The following DLG2 variants were observed in gnomAD, a reference collection of about 807,000 sequenced individuals.
DLG2 encodes disks large homolog 2.
DLG2 carries 45 observed loss-of-function variants against 132.5 expected under a neutral mutation model. The ratio of observed to expected loss-of-function variants is 0.34; its 90% confidence interval spans 0.27 to 0.44. The LOEUF (loss-of-function observed/expected upper bound fraction) is 0.44, where lower values mean the gene tolerates loss of function less well. Among genes scored for constraint, DLG2 ranks in the 20% least tolerant of loss-of-function variants. DLG2 has a pLI of 1.00. For missense variants in DLG2, 1,045 were observed against 1,196.9 expected (o/e 0.87, Z 1.87); for synonymous variants, 424 against 419.6 (o/e 1.01, Z -0.13).
Position 84,308,071 on chromosome 11 carries a change from T to G in DLG2, c.520-56780A>C, listed in dbSNP as rs142235196. ...GAACAAAGCCCCCACAACGCAGAAG[T>G]AGACCCCAGCAGGTTGCCACTGCTG... On this transcript the variant is annotated intron_variant, in intron 7 of 27. Coordinates refer to ENST00000376104, the MANE Select transcript of DLG2 (RefSeq NM_001142699.3). Among the ~76,000 whole-genome samples the G allele has an allele frequency of 2.8e-3, 429 of 152,252 alleles. 3 individuals carry two copies. Among genetic ancestry groups the G allele is most frequent in the African/African-American group, 9.6e-3 (400 of 41,558 alleles).
At chr11:83,865,895 T>C (rs2062252957) in intron 16 of DLG2, among the ~76,000 whole-genome samples, 1 of 152,186 alleles carries the variant, frequency 6.6e-6, no homozygotes, top group Non-Finnish European at 1.5e-5. Context: ...TGTTCTCATC[T>C]GTGCTCTGCT....
intron 6 of DLG2, among the ~76,000 whole-genome samples, chr11:84,948,343 T>TAG (rs1323065837): frequency 1.3e-5 from 2 of 152,240 alleles, no homozygotes; most frequent in Non-Finnish European, 2.9e-5. Flanking sequence ...AGCAATTTGC[T>TAG]GTCTGTCTGC....
At chr11:83,517,019 A>G (rs569777304) in intron 21 of DLG2, among the ~76,000 whole-genome samples, 45 of 152,194 alleles carry the variant, frequency 3.0e-4, no homozygotes, top group Admixed American at 1.1e-3. Flanking sequence ...TGCTCTTCTC[A>G]AGGAGTATCT....
chr11:85,063,157 C>T (rs2064361671), intron 6 of DLG2, among the ~76,000 whole-genome samples: 1 of 151,798 alleles, frequency 6.6e-6, no homozygotes, highest in African/African-American at 2.4e-5. Context: ...GCCGCTAAGG[C>T]TTACCATCTC....
At chr11:85,495,574 CAAT>C (rs1192399458) in intron 3 of DLG2, among the ~76,000 whole-genome samples, 2 of 152,126 alleles carry the variant, frequency 1.3e-5, no homozygotes, top group Admixed American at 1.3e-4. Context: ...ATCAAAACCA[CAAT>C]GAGATACCAT....
intron 3 of DLG2, among the ~76,000 whole-genome samples, chr11:85,385,437 C>G (rs1159027245): frequency 6.6e-6 from 1 of 151,894 alleles, no homozygotes; most frequent in Middle Eastern, 3.2e-3. Context: ...TTATAAAACT[C>G]TTTATAAGGA....
intron 7 of DLG2, among the ~76,000 whole-genome samples, chr11:84,506,076 G>GTTTTTTTTTTTTTTTTTTTTTTTTTTTTT (rs559086542): frequency 3.3e-5 from 3 of 91,412 alleles, no homozygotes; most frequent in African/African-American, 2.0e-4. Context: ...CAGAGGCTCA[G>GTTTTTTTTTTTTTTTTTTTTTTTTTTTTT]TTCTTTTTTT....
chr11:85,260,988 C>G (rs1277027170), intron 4 of DLG2, among the ~76,000 whole-genome samples: 1 of 152,138 alleles, frequency 6.6e-6, no homozygotes, highest in African/African-American at 2.4e-5. Flanking sequence ...AATCTAAAGT[C>G]TCTCTTGAGA....
intron 6 of DLG2, among the ~76,000 whole-genome samples, chr11:84,635,023 AC>A (rs1305735954): frequency 6.6e-6 from 1 of 152,258 alleles, no homozygotes; most frequent in Non-Finnish European, 1.5e-5. Context: ...GGAGAGGATG[AC>A]AACAGGGGCC....
intron 6 of DLG2, among the ~76,000 whole-genome samples, chr11:84,882,261 T>G (rs769907214): frequency 1.3e-5 from 2 of 151,980 alleles, no homozygotes; most frequent in Admixed American, 6.6e-5. Context: ...AAATGTCAAG[T>G]GCCTAGGAAA....
intron 9 of DLG2, among the ~76,000 whole-genome samples, chr11:84,137,636 A>G (rs2094656735): frequency 6.6e-6 from 1 of 152,132 alleles, no homozygotes; most frequent in Non-Finnish European, 1.5e-5. Context: ...TATATGGGGC[A>G]CTCAACATAA....
chr11:85,438,270 C>G (rs149756185), intron 3 of DLG2, among the ~76,000 whole-genome samples: 1 of 152,192 alleles, frequency 6.6e-6, no homozygotes, highest in Non-Finnish European at 1.5e-5. Context: ...ACTCCACCTG[C>G]AACATTGGGA....
chr11:84,910,815 T>G (rs2091989913), intron 6 of DLG2, among the ~76,000 whole-genome samples: 1 of 152,178 alleles, frequency 6.6e-6, no homozygotes. Context: ...AGAATTCACA[T>G]TCTGGTAAAG....
intron 18 of DLG2, among the ~76,000 whole-genome samples, chr11:83,676,931 T>C (rs952138891): frequency 6.6e-6 from 1 of 152,152 alleles, no homozygotes; most frequent in African/African-American, 2.4e-5. Flanking sequence ...CCATGCTTAA[T>C]AAATAACTAA....
intron 7 of DLG2, among the ~76,000 whole-genome samples, chr11:84,494,948 A>AT (rs1371887536): frequency 1.3e-5 from 2 of 152,030 alleles, no homozygotes; most frequent in African/African-American, 4.8e-5. Context: ...AGCTTTTCAC[A>AT]TTTTTCTCTT....
At chr11:85,278,493 A>C (rs1339840046) in intron 4 of DLG2, among the ~76,000 whole-genome samples, 1 of 152,050 alleles carries the variant, frequency 6.6e-6, no homozygotes, top group Non-Finnish European at 1.5e-5. Context: ...TCAGCTACTC[A>C]GGAGGCTGAG....
chr11:84,746,710 G>GA (rs1340900584), intron 6 of DLG2, among the ~76,000 whole-genome samples: 9 of 152,172 alleles, frequency 5.9e-5, no homozygotes, highest in Admixed American at 4.6e-4. Context: ...GCAAGATACA[G>GA]AAAAGACAAT....
intron 7 of DLG2, among the ~76,000 whole-genome samples, chr11:84,422,499 TTTAATTCTGG>T (rs2098954196): frequency 6.6e-6 from 1 of 152,210 alleles, no homozygotes; most frequent in Admixed American, 6.5e-5. Context: ...TTAATGCATA[TTTAATTCTGG>T]TTTAGATTTG....
chr11:85,224,311 C>G (rs182163349), intron 4 of DLG2, among the ~76,000 whole-genome samples: 414 of 152,268 alleles, frequency 2.7e-3, no homozygotes, highest in Non-Finnish European at 4.4e-3. Context: ...GAGTAGGTCT[C>G]ATGCTGCTTA....
Sources: allele counts gnomAD v4.1 joint callset (sites outside exome capture counted in the v4.1 genomes callset), GRCh38; gene constraint gnomAD v4.1.1; transcripts MANE v1.5; gene names NCBI Gene and HGNC (gene_info 2026-07-23, HGNC 2026-07-21).